Variants in ULK4 observed in about 807,000 individuals in gnomAD.
ULK4 encodes unc-51 like kinase 4.
In ULK4, 133 loss-of-function variants were observed where a neutral mutation model predicts 160.6. That is an observed-to-expected ratio of 0.83 (90% confidence interval 0.72 to 0.96). The LOEUF is 0.96. Among genes scored for constraint, ULK4 ranks in the 40% least tolerant of loss-of-function variants. The pLI, the probability that ULK4 is intolerant of heterozygous loss-of-function variation, is 0.00. For missense variants in ULK4, 1,580 were observed against 1,499.5 expected, an observed-to-expected ratio of 1.05 and a Z score of -0.89; for synonymous variants, 534 against 539.8, an observed-to-expected ratio of 0.99 and a Z score of 0.15.
intron 31 of ULK4, among the ~76,000 whole-genome samples, chr3:41,598,769 T>G (rs982014275): frequency 6.6e-5 from 10 of 152,186 alleles, no homozygotes; most frequent in Admixed American, 6.5e-5. Context: ...CATGGTAGGC[T>G]TACTATAAAA....
At chr3:41,798,423 AC>A in intron 20 of ULK4, among the ~76,000 whole-genome samples, 1 of 152,302 alleles carries the variant, frequency 6.6e-6, no homozygotes, top group East Asian at 1.9e-4. Context: ...AATTTTGAAA[AC>A]ATGTGGCTCC....
intron 30 of ULK4, among the ~76,000 whole-genome samples, chr3:41,647,557 T>C (rs949664293): frequency 6.6e-6 from 1 of 152,216 alleles, no homozygotes; most frequent in Non-Finnish European, 1.5e-5. Context: ...TCTGGAAGTT[T>C]TGTCTCAGAG....
chr3:41,769,512 T>C (rs569070046), intron 21 of ULK4, among the ~76,000 whole-genome samples: 1 of 152,268 alleles, frequency 6.6e-6, no homozygotes, highest in African/African-American at 2.4e-5. Context: ...TACCCAAATA[T>C]TACTGTGCAG....
intron 32 of ULK4, among the ~76,000 whole-genome samples, chr3:41,466,853 G>A (rs982951828): frequency 1.2e-4 from 19 of 152,040 alleles, no homozygotes; most frequent in African/African-American, 3.9e-4. Flanking sequence ...CCCACAACTC[G>A]ATAATAAAAG....
intron 35 of ULK4, 115 bp downstream of exon 35, chr3:41,397,964 C>A (rs534201530): frequency 1.7e-6 from 2 of 1,207,364 alleles, no homozygotes; most frequent in East Asian, 2.4e-5. Flanking sequence ...GAGTTCTTGA[C>A]AACTCTTGCA....
chr3:41,472,426 A>C (rs1180561061), intron 32 of ULK4, among the ~76,000 whole-genome samples: 1 of 151,974 alleles, frequency 6.6e-6, no homozygotes, highest in Non-Finnish European at 1.5e-5. Flanking sequence ...AAAATTAGCC[A>C]GGTGTGGTGG....
At chr3:41,880,076 C>T (rs1164952252) in intron 17 of ULK4, among the ~76,000 whole-genome samples, 2 of 152,076 alleles carry the variant, frequency 1.3e-5, no homozygotes, top group Non-Finnish European at 2.9e-5. Flanking sequence ...GCCAAGATCA[C>T]GCCACTGCAA....
intron 35 of ULK4, among the ~76,000 whole-genome samples, chr3:41,317,561 A>G (rs1575426986): frequency 6.6e-6 from 1 of 152,192 alleles, no homozygotes; most frequent in South Asian, 2.1e-4. Flanking sequence ...CTTCTATGAA[A>G]GAAGAGGAGA....
At chr3:41,898,692 T>C (rs1024429249) in intron 13 of ULK4, among the ~76,000 whole-genome samples, 200 bp from the exon 14 acceptor site, 2 of 152,250 alleles carry the variant, frequency 1.3e-5, no homozygotes, top group Non-Finnish European at 2.9e-5. Context: ...ATCATTTCAA[T>C]TGATATCTGT....
intron 32 of ULK4, among the ~76,000 whole-genome samples, chr3:41,516,617 G>A (rs1237778818): frequency 7.0e-6 from 1 of 142,778 alleles, no homozygotes; most frequent in Non-Finnish European, 1.5e-5. Flanking sequence ...ACTTATTTGT[G>A]TGATCTAAAA....
chr3:41,861,181 T>C lies in ULK4; in HGVS notation c.1656+22693A>G, dbSNP rs559379615. 1.9e-4 allele frequency among the ~76,000 whole-genome samples: 29 copies of C among 152,342 alleles called. No individual in the cohort carries two copies. In the South Asian group the frequency reaches 5.8e-3, roughly 30 times the overall value. ...CTTTCTACTTATAGTAGAAGTAGTT[T>C]ACACACAATTACAGTGTTACAATAT... On this transcript the variant is annotated intron_variant, in intron 17 of 36. Transcript: ENST00000301831.
chr3:41,817,994 G>A, intron 19 of ULK4, among the ~76,000 whole-genome samples: 1 of 151,886 alleles, frequency 6.6e-6, no homozygotes, highest in East Asian at 1.9e-4. Flanking sequence ...CAATTAAAAT[G>A]GCGATTATCA....
At chr3:41,702,447 G>C (rs2036708536) in intron 27 of ULK4, among the ~76,000 whole-genome samples, 1 of 151,980 alleles carries the variant, frequency 6.6e-6, no homozygotes, top group Non-Finnish European at 1.5e-5. Context: ...GCCTGGCCCA[G>C]ACAAATTAAT....
chr3:41,355,689 A>G (rs1380442142), intron 35 of ULK4, among the ~76,000 whole-genome samples: 1 of 152,242 alleles, frequency 6.6e-6, no homozygotes, highest in Non-Finnish European at 1.5e-5. Flanking sequence ...GAGAAAGCAT[A>G]TGCCAACCAA....
intron 31 of ULK4, among the ~76,000 whole-genome samples, chr3:41,578,744 A>G (rs1290547453): frequency 6.6e-6 from 1 of 152,208 alleles, no homozygotes; most frequent in African/African-American, 2.4e-5. Context: ...TAATAAACCC[A>G]CAGACCCTAC....
intron 34 of ULK4, among the ~76,000 whole-genome samples, chr3:41,417,747 C>T (rs561107031): frequency 1.4e-4 from 22 of 152,306 alleles, no homozygotes; most frequent in African/African-American, 5.1e-4. Flanking sequence ...CTGTTCGCTT[C>T]TCACTGGCTT....
chr3:41,903,849 A>G (rs2148795094), intron 12 of ULK4, among the ~76,000 whole-genome samples: 1 of 152,316 alleles, frequency 6.6e-6, no homozygotes, highest in South Asian at 2.1e-4. Flanking sequence ...TATGTATAAA[A>G]CCAGAAGCAG....
rs559534466 is a variant in ULK4 at position 41,702,573 on chromosome 3, A to G, written c.2781+2484T>C. ...AAATATTAATCAAAACAAAGTTTGC[A>G]TGATTATGTTAGAATGGGACAAAGG... On this transcript the variant is annotated intron_variant, in intron 27 of 36. Coordinates refer to ENST00000301831, the MANE Select transcript of ULK4 (RefSeq NM_017886.4). Among the ~76,000 whole-genome samples, 16 of 152,338 alleles carry G rather than the reference A, an allele frequency of 1.1e-4. No homozygotes were observed. In the South Asian group the frequency reaches 3.1e-3, roughly 30 times the overall value.
intron 35 of ULK4, among the ~76,000 whole-genome samples, chr3:41,312,307 C>A (rs1392416435): frequency 6.6e-6 from 1 of 152,078 alleles, no homozygotes; most frequent in Non-Finnish European, 1.5e-5. Flanking sequence ...CATACTAGGC[C>A]ATAAAGCAAG....
Sources: gnomAD v4.1 joint callset for allele counts (sites outside exome capture counted in the v4.1 genomes callset) on GRCh38, gnomAD v4.1.1 for gene constraint, MANE v1.5 for transcripts, NCBI Gene and HGNC (gene_info 2026-07-23, HGNC 2026-07-21) for gene names.